The following DTD1 variants were observed in gnomAD, a reference collection of about 807,000 sequenced individuals.
DTD1 encodes the protein D-aminoacyl-tRNA deacylase 1, also known as D-tyrosyl-tRNA deacylase 1 homolog.
In DTD1, 13 loss-of-function variants were observed where a neutral mutation model predicts 25.6. The observed-to-expected ratio is 0.51, with a 90% CI of 0.33 to 0.81. DTD1 has a LOEUF of 0.81. Among genes scored for constraint, DTD1 ranks in the 30% least tolerant of loss-of-function variants. The pLI is 0.02. For missense variants in DTD1, 193 were observed against 266.4 expected (o/e 0.72, Z 1.92); for synonymous variants, 110 against 103.6 (o/e 1.06, Z -0.37).
chr20:18,618,710 CACAT>C (rs1465132315), intron 3 of DTD1, among the ~76,000 whole-genome samples: 31 of 144,246 alleles, frequency 2.1e-4, no homozygotes, highest in African/African-American at 6.8e-4. Context: ...CACACACACA[CACAT>C]ATAATTTTTT....
intron 3 of DTD1, among the ~76,000 whole-genome samples, chr20:18,622,051 G>A (rs1262171580): frequency 2.1e-5 from 3 of 141,196 alleles, no homozygotes; most frequent in Admixed American, 7.3e-5. Context: ...GTGACAGAGC[G>A]AGACTCTGTC....
intron 5 of DTD1, among the ~76,000 whole-genome samples, chr20:18,754,769 A>G (rs1372274838): frequency 2.0e-5 from 3 of 152,240 alleles, no homozygotes; most frequent in Non-Finnish European, 4.4e-5. Flanking sequence ...AGGAAGAGAC[A>G]TCTTTAGCAA....
At chr20:18,754,718 C>T (rs1283262768) in intron 5 of DTD1, among the ~76,000 whole-genome samples, 1 of 152,216 alleles carries the variant, frequency 6.6e-6, no homozygotes, top group Non-Finnish European at 1.5e-5. Flanking sequence ...AGTTGATGGC[C>T]AGTAACCTGG....
chr20:18,620,583 A>G (rs2060729697), intron 3 of DTD1, among the ~76,000 whole-genome samples: 1 of 150,832 alleles, frequency 6.6e-6, no homozygotes, highest in Non-Finnish European at 1.5e-5. Context: ...TCATAGGCTG[A>G]CTTTCTTTTT....
At chr20:18,660,165 C>T (rs2060904320) in intron 4 of DTD1, among the ~76,000 whole-genome samples, 1 of 152,122 alleles carries the variant, frequency 6.6e-6, no homozygotes, top group South Asian at 2.1e-4. Flanking sequence ...TGAGATTGCA[C>T]CACTGCACTC....
At position 18,744,138 on chromosome 20, in the gene DTD1, G is replaced by C; in HGVS notation, c.516G>C (p.Lys172Asn). The C allele has an allele frequency of 6.2e-7, 1 of 1,612,064 alleles. No individual in the cohort carries two copies. Among genetic ancestry groups the C allele is most frequent in the Non-Finnish European group, 8.5e-7 (1 of 1,179,896 alleles). Residue 172 changes from lysine to asparagine, a missense_variant, in exon 5 of 6, where the codon AAG becomes AAC. Coordinates refer to ENST00000377452, the MANE Select transcript of DTD1 (RefSeq NM_080820.6). Reference sequence around the variant, plus strand: ...AAAAACAGCAGCAGAGGAAAGAAAAGACCAGAGCTAAGGGACCTTCTGAAT... The same window carrying C: ...AAAAACAGCAGCAGAGGAAAGAAAACACCAGAGCTAAGGGACCTTCTGAAT... ...KLEKQQQRKE[K>N]TRAKGPSESS... is the part of the protein sequence containing the mutation.
chr20:18,645,250 G>A (rs6136451), intron 4 of DTD1, among the ~76,000 whole-genome samples: 71,819 of 151,984 alleles, frequency 0.47, 17,461 homozygotes, highest in Middle Eastern at 0.55. Context: ...AGAAATTCGG[G>A]ACTTGGAGAG....
At chr20:18,602,909 A>G (rs1834586889) in intron 3 of DTD1, among the ~76,000 whole-genome samples, 1 of 115,856 alleles carries the variant, frequency 8.6e-6, no homozygotes, top group African/African-American at 3.1e-5. Flanking sequence ...GACAGGATCA[A>G]ATTCACACAT....
intron 4 of DTD1, among the ~76,000 whole-genome samples, chr20:18,651,843 T>A (rs2060875289): frequency 1.3e-5 from 2 of 152,182 alleles, no homozygotes. Flanking sequence ...CCCAAAAGAT[T>A]AGGGCATAGG....
chr20:18,612,803 C>T (rs745796431), intron 3 of DTD1, among the ~76,000 whole-genome samples: 15 of 152,156 alleles, frequency 9.9e-5, no homozygotes, highest in South Asian at 4.2e-4. Context: ...GAACTATAGG[C>T]GCCTGCCACC....
chr20:18,761,677 C>G (rs985452448), intron 5 of DTD1, among the ~76,000 whole-genome samples: 1 of 152,156 alleles, frequency 6.6e-6, no homozygotes, highest in Non-Finnish European at 1.5e-5. Context: ...GATTCCAAAG[C>G]TCATCTTAAG....
At chr20:18,664,371 C>T (rs920704183) in intron 4 of DTD1, among the ~76,000 whole-genome samples, 1 of 152,234 alleles carries the variant, frequency 6.6e-6, no homozygotes, top group Non-Finnish European at 1.5e-5. Flanking sequence ...GTTCTTCCCA[C>T]TCATAGAGTC....
intron 1 of DTD1, chr20:18,592,566 C>T (rs1478582430): frequency 6.6e-6 from 1 of 151,900 alleles, no homozygotes; most frequent in South Asian, 2.1e-4. Context: ...TGGAATTGCA[C>T]CTGTGAATAG....
intron 5 of DTD1, among the ~76,000 whole-genome samples, chr20:18,745,305 G>C (rs2061295645): frequency 6.6e-6 from 1 of 152,192 alleles, no homozygotes; most frequent in African/African-American, 2.4e-5. Flanking sequence ...TTGAAAATGT[G>C]ATGCGGCCAT....
chr20:18,752,427 T>G (rs2061324488), intron 5 of DTD1, among the ~76,000 whole-genome samples: 1 of 152,212 alleles, frequency 6.6e-6, no homozygotes, highest in Admixed American at 6.5e-5. Context: ...ATGACCTATC[T>G]TTGAGCTCAC....
chr20:18,633,354 C>T (rs1226605657), intron 4 of DTD1, among the ~76,000 whole-genome samples: 1 of 152,172 alleles, frequency 6.6e-6, no homozygotes, highest in East Asian at 1.9e-4. Flanking sequence ...CCCTCCTTCT[C>T]CAAGAATCTC....
At chr20:18,686,012 C>T (rs892716391) in intron 4 of DTD1, among the ~76,000 whole-genome samples, 1 of 152,218 alleles carries the variant, frequency 6.6e-6, no homozygotes, top group African/African-American at 2.4e-5. Flanking sequence ...CCCAGTCCTT[C>T]TTACTTCCCT....
chr20:18,691,701 A>T (rs1437506132), intron 4 of DTD1, among the ~76,000 whole-genome samples: 2 of 152,206 alleles, frequency 1.3e-5, no homozygotes, highest in Non-Finnish European at 2.9e-5. Context: ...CTGTACCATA[A>T]ACCTCAGCAT....
At chr20:18,668,769 T>A (rs1359664227) in intron 4 of DTD1, among the ~76,000 whole-genome samples, 3 of 152,248 alleles carry the variant, frequency 2.0e-5, no homozygotes, top group African/African-American at 7.2e-5. Context: ...CTGTTCTTTC[T>A]TGAGGAAACT....
Sources: allele counts gnomAD v4.1 joint callset (sites outside exome capture counted in the v4.1 genomes callset), GRCh38; gene constraint gnomAD v4.1.1; transcripts MANE v1.5; gene names NCBI Gene and HGNC (gene_info 2026-07-23, HGNC 2026-07-21).